The following MS4A13 variants were observed in gnomAD, a reference collection of about 807,000 sequenced individuals.
The protein encoded by MS4A13 is membrane-spanning 4-domains subfamily A member 13.
MS4A13 carries 21 observed loss-of-function variants against 18.4 expected under a neutral mutation model. The observed-to-expected ratio is 1.14, with a 90% CI of 0.81 to 1.64. The LOEUF (loss-of-function observed/expected upper bound fraction) is 1.64. Among genes scored for constraint, MS4A13 ranks in the 40% most tolerant of loss-of-function variants. The pLI is 0.00. For synonymous variants in MS4A13, 62 were observed against 57.2 expected (o/e 1.08, Z -0.38); for missense variants, 173 against 176.8 (o/e 0.98, Z 0.12).
In MS4A13 at chr11:60,518,141, C is replaced by A. The variant is rs2135246442; in HGVS notation, c.58C>A (p.Gln20Lys). Reference sequence around the variant, plus strand: ...CTTTCTATTGGTTTTGTATATGGGACAAATTAAAGGAGCCTTTGGAACGTA... The same window carrying A: ...CTTTCTATTGGTTTTGTATATGGGAAAAATTAAAGGAGCCTTTGGAACGTA... ...WYFLLVLYMG[Q>K]IKGAFGTYEP... The change falls in exon 3 of 7, where the codon CAA (glutamine) becomes AAA (lysine). Residue 20 changes from glutamine to lysine, a missense_variant. Transcript: ENST00000378186. 2 of 1,611,196 alleles carry A rather than the reference C, an allele frequency of 1.2e-6. No homozygotes were observed. The highest frequency in any genetic ancestry group is 1.7e-5 in the Admixed American group (1 of 59,950).
At chr11:60,543,227 T>A (rs1025570349), downstream of MS4A13, among the ~76,000 whole-genome samples, 12 of 152,168 alleles carry the variant, frequency 7.9e-5, no homozygotes, top group African/African-American at 2.9e-4. Flanking sequence ...TTTCTAGAAA[T>A]CGGTTCTGAA....
chr11:60,542,339 AAG>A (rs1740166913), intron 6 of MS4A13, among the ~76,000 whole-genome samples, 178 bp from the exon 7 acceptor site: 1 of 151,792 alleles, frequency 6.6e-6, no homozygotes, highest in Non-Finnish European at 1.5e-5. Context: ...AAGAAAGAGA[AAG>A]AGAAAGAAAG....
intron 5 of MS4A13, 76 bp downstream of exon 5, chr11:60,525,402 A>G: frequency 9.9e-7 from 1 of 1,009,410 alleles, no homozygotes; most frequent in Non-Finnish European, 1.4e-6. Context: ...TTAGGAGGTA[A>G]GATGAGGCTT....
rs1381524513 is a variant in MS4A13 at position 60,518,205 on chromosome 11, G to A, written c.122G>A (p.Gly41Glu). The change falls in exon 3 of 7, where the codon GGA becomes GAA. Residue 41 changes from glycine (G) to glutamate (E), a missense_variant. Transcript: ENST00000378186. ...VTYKTGCTLW[G>E]IFFIIAGVFL... ...TACAAAACAGGATGTACTTTATGGG[G>A]AATTTTTGTGAGTAGAATACATATA... 1.2e-6 allele frequency: 2 copies of A among 1,607,532 alleles called. No individual in the cohort carries two copies. Among genetic ancestry groups the A allele is most frequent in the South Asian group, 2.2e-5 (2 of 89,890 alleles).
At chr11:60,523,988 A>T in intron 4 of MS4A13, 35 bp downstream of exon 4, 1 of 1,267,578 alleles carries the variant, frequency 7.9e-7, no homozygotes, top group Non-Finnish European at 1.1e-6. Flanking sequence ...TCTAGAAATC[A>T]CTTATCACAA....
At chr11:60,529,255 CTTTTT>C (rs10667098) in intron 5 of MS4A13, 105 bp from the exon 6 acceptor site, 198 of 172,122 alleles carry the variant, frequency 1.2e-3, no homozygotes, top group East Asian at 3.4e-3. Context: ...ATTTTCCTTC[CTTTTT>C]TTTTTTTTTT....
chr11:60,520,201 A>C (rs920731564), intron 3 of MS4A13, among the ~76,000 whole-genome samples: 1 of 152,120 alleles, frequency 6.6e-6, no homozygotes, highest in African/African-American at 2.4e-5. Context: ...TGCTGTTCTC[A>C]TGATAGTGAA....
Position 60,538,665 on chromosome 11 carries a change from T to A in MS4A13, c.403-3854T>A, listed in dbSNP as rs1044728356. On this transcript the variant is annotated intron_variant, in intron 6 of 6. Coordinates refer to ENST00000378186, the MANE Select transcript of MS4A13 (RefSeq NM_001012417.3). ...GGTAAGTTGCCAGCCTGGTGTCCCA[T>A]CTATCCTATGAGAGGCAGAATTTTA... 3.3e-5 allele frequency among the ~76,000 whole-genome samples: 5 copies of A among 151,546 alleles called. No homozygotes were observed. In the South Asian group the frequency reaches 1.1e-3, roughly 32 times the overall value.
intron 3 of MS4A13, among the ~76,000 whole-genome samples, chr11:60,518,474 A>G (rs1197789819): frequency 6.6e-6 from 1 of 152,202 alleles, no homozygotes; most frequent in Non-Finnish European, 1.5e-5. Flanking sequence ...AGATATGTGA[A>G]AGGCAAAGAA....
chr11:60,523,796 A>G, intron 3 of MS4A13, 101 bp from the exon 4 acceptor site: 1 of 715,392 alleles, frequency 1.4e-6, no homozygotes, highest in East Asian at 2.8e-5. Context: ...TGTTACTATT[A>G]GCATTCTTAA....
chr11:60,522,825 T>G (rs547302186), intron 3 of MS4A13, among the ~76,000 whole-genome samples: 1 of 152,274 alleles, frequency 6.6e-6, no homozygotes, highest in East Asian at 1.9e-4. Flanking sequence ...AAACTGTGGA[T>G]TTTCCAACAA....
At chr11:60,516,677 C>T (rs1361208899) in intron 2 of MS4A13, among the ~76,000 whole-genome samples, 1 of 151,932 alleles carries the variant, frequency 6.6e-6, no homozygotes, top group Non-Finnish European at 1.5e-5. Context: ...TTTTTTTTCC[C>T]TGGGGGCAGG....
chr11:60,527,611 G>C (rs1268202931), intron 5 of MS4A13, among the ~76,000 whole-genome samples: 1 of 151,946 alleles, frequency 6.6e-6, no homozygotes, highest in African/African-American at 2.4e-5. Flanking sequence ...CAAGGCAGGC[G>C]GATCACTTGA....
intron 6 of MS4A13, among the ~76,000 whole-genome samples, chr11:60,530,728 C>A (rs943042369): frequency 1.3e-5 from 2 of 152,174 alleles, no homozygotes; most frequent in African/African-American, 4.8e-5. Context: ...ACCCAAATCT[C>A]ATCTTGAATT....
chr11:60,522,554 G>A (rs1041287740), intron 3 of MS4A13, among the ~76,000 whole-genome samples: 7 of 152,084 alleles, frequency 4.6e-5, no homozygotes, highest in African/African-American at 1.7e-4. Flanking sequence ...GCTGCCCATT[G>A]AGACAGCAAT....
chr11:60,532,926 C>G (rs1482588862), intron 6 of MS4A13, among the ~76,000 whole-genome samples: 1 of 53,316 alleles, frequency 1.9e-5, no homozygotes, highest in Non-Finnish European at 3.8e-5. Context: ...ACACCTCACA[C>G]GGCAGGGTAT....
intron 2 of MS4A13, 48 bp downstream of exon 2, chr11:60,516,132 A>AT (rs1459879196): frequency 6.6e-6 from 1 of 152,048 alleles, no homozygotes; most frequent in Non-Finnish European, 1.5e-5. Context: ...GAACTATTTC[A>AT]TTTTTTTAAC....
intron 6 of MS4A13, among the ~76,000 whole-genome samples, chr11:60,539,784 G>A (rs1044792109): frequency 4.6e-5 from 7 of 152,174 alleles, no homozygotes; most frequent in African/African-American, 1.7e-4. Context: ...AAACAATGGA[G>A]GCCTGAAGGT....
intron 6 of MS4A13, among the ~76,000 whole-genome samples, 196 bp downstream of exon 6, chr11:60,529,656 AAAAGCAAAAAGCATAT>A (rs1403928617): frequency 1.4e-4 from 21 of 152,210 alleles, no homozygotes; most frequent in African/African-American, 4.8e-4. Flanking sequence ...AACTACATTT[AAAAGCAAAAAGCATAT>A]AGAGTAAAAA....
Sources: gnomAD v4.1 joint callset for allele counts (sites outside exome capture counted in the v4.1 genomes callset) on GRCh38, gnomAD v4.1.1 for gene constraint, MANE v1.5 for transcripts, NCBI Gene and HGNC (gene_info 2026-07-23, HGNC 2026-07-21) for gene names.